Variants in ZNF649 observed in about 807,000 individuals in gnomAD.
ZNF649 encodes zinc finger protein 649.
Under a neutral mutation model 14.1 loss-of-function variants are expected in ZNF649, and 7 were observed. That is an observed-to-expected ratio of 0.49 (90% confidence interval 0.28 to 0.93). ZNF649 has a LOEUF of 0.93. Ranked by LOEUF, ZNF649 falls within the 40% of genes least tolerant of loss-of-function variation. The pLI, the probability that ZNF649 is intolerant of heterozygous loss-of-function variation, is 0.10. For synonymous variants in ZNF649, 227 were observed against 212.3 expected (o/e 1.07, Z -0.60); for missense variants, 544 against 608.1 (o/e 0.89, Z 1.11).
chr19:51,896,627 G>T, intron 3 of ZNF649, 60 bp from the exon 4 acceptor site: 1 of 1,573,996 alleles, frequency 6.4e-7, no homozygotes, highest in Non-Finnish European at 8.7e-7. Flanking sequence ...TGGCTCTGAT[G>T]ATAGGAGAAA....
rs139430904 is a variant in ZNF649 at position 51,891,294 on chromosome 19, T to G, written c.842A>C (p.Gln281Pro). Residue 281 changes from glutamine to proline, a missense_variant, in exon 5 of 5, where the codon CAA becomes CCA. Physicochemically the swap from Gln to Pro is moderately conservative, Grantham distance 76. Transcript: ENST00000354957. This position sits in a 1 kb window ranked among gnomAD's most constrained non-coding sequence, Gnocchi z 4.2. ...FPRKSELTEH[Q>P]RIHTGIKPHQ... ...GGGCTTAATTCCCGTGTGAATCCTT[T>G]GATGTTCAGTAAGCTCAGATTTCCT... The G allele has an allele frequency of 5.0e-6, 8 of 1,614,148 alleles. No individual in the cohort carries two copies. The African/African-American group carries it at 1.1e-4, about 22-fold the overall frequency.
intron 1 of ZNF649, among the ~76,000 whole-genome samples, chr19:51,903,046 A>G (rs1489155750): frequency 1.3e-5 from 2 of 152,136 alleles, no homozygotes; most frequent in Non-Finnish European, 1.5e-5. Flanking sequence ...GGAATAAAGG[A>G]TATTACGAAG....
intron 1 of ZNF649, among the ~76,000 whole-genome samples, chr19:51,901,129 G>T (rs2085092192): frequency 6.6e-6 from 1 of 152,192 alleles, no homozygotes; most frequent in Non-Finnish European, 1.5e-5. Flanking sequence ...ATAGACCAAG[G>T]AAGTTTATTA....
chr19:51,896,404 T>C lies in ZNF649; in HGVS notation c.238+68A>G, dbSNP rs2085062562. The C allele has an allele frequency of 5.1e-6, 7 of 1,384,368 alleles. No individual in the cohort carries two copies. The African/African-American group carries it at 9.9e-5, about 20-fold the overall frequency. 85.8% of individuals were successfully genotyped at this position (1,384,368 alleles called of 1,614,324 possible). ...TCCCTAGACACTTTCACAACTGTCA[T>C]GCCTTCTCTAAATGACCAGAATGTG... On this transcript the variant is annotated intron_variant, in intron 4 of 4. Coordinates refer to ENST00000354957, the MANE Select transcript of ZNF649 (RefSeq NM_023074.4).
intron 2 of ZNF649, among the ~76,000 whole-genome samples, chr19:51,897,787 A>G (rs1024334067): frequency 4.6e-5 from 7 of 152,180 alleles, no homozygotes; most frequent in African/African-American, 1.7e-4. Context: ...CTTTGTTTTC[A>G]CACTATGTGT....
rs375996460 is a variant in ZNF649, at chr19:51,901,534, C to T, written c.-187-1240G>A. Among the ~76,000 whole-genome samples the T allele has an allele frequency of 5.9e-5, 9 of 152,194 alleles. No homozygotes were observed. In the East Asian group the frequency reaches 1.7e-3, roughly 29 times the overall value. ...GTGGCTCATGCATGTAATCCCAGCACTTTGGGAGGCTGAGGTGGGAGGATC... is the reference window on the plus strand; with the variant it reads ...GTGGCTCATGCATGTAATCCCAGCATTTTGGGAGGCTGAGGTGGGAGGATC... On this transcript the variant is annotated intron_variant, in intron 1 of 4. Coordinates refer to ENST00000354957, the MANE Select transcript of ZNF649 (RefSeq NM_023074.4).
At chr19:51,895,264 G>A (rs974366076) in intron 4 of ZNF649, among the ~76,000 whole-genome samples, 2 of 152,136 alleles carry the variant, frequency 1.3e-5, no homozygotes, top group Non-Finnish European at 2.9e-5. Flanking sequence ...AATTCAAGGT[G>A]AAAAATACAT....
chr19:51,896,828 G>C (rs201165910), intron 3 of ZNF649, 24 bp downstream of exon 3: 1 of 1,614,106 alleles, frequency 6.2e-7, no homozygotes, highest in Non-Finnish European at 8.5e-7. Flanking sequence ...TACCCTCTGA[G>C]TGACACAGGG....
chr19:51,896,690 T>C lies in ZNF649; in HGVS notation c.143-123A>G. The C allele has an allele frequency of 1.9e-6, 3 of 1,567,468 alleles. No individual in the cohort carries two copies. The Middle Eastern group carries it at 5.1e-4, about 264-fold the overall frequency. On this transcript the variant is annotated intron_variant, in intron 3 of 4. Coordinates refer to ENST00000354957, the MANE Select transcript of ZNF649 (RefSeq NM_023074.4). ...CATGTTAGCAAATTAAAGGCTTTTT[T>C]TCTAAGACGAAGGAAGATTATGCCT...
rs996986991 is a variant in ZNF649 at position 51,897,191 on chromosome 19, T to C, written c.16-213A>G. ...AGTGGAATCTGCTTATGTTACTCTG[T>C]ATAAGCGAGTTTCACATCCTGAGAA... On this transcript the variant is annotated intron_variant, in intron 2 of 4. Transcript: ENST00000354957. 59 of 556,270 alleles carry C rather than the reference T, an allele frequency of 1.1e-4. 1 individual carries two copies. Among genetic ancestry groups the C allele is most frequent in the Non-Finnish European group, 6.2e-6 (2 of 321,118 alleles). 34.5% of individuals were successfully genotyped at this position (556,270 alleles called of 1,614,324 possible).
intron 2 of ZNF649, among the ~76,000 whole-genome samples, chr19:51,897,895 G>A (rs1174397876): frequency 6.6e-6 from 1 of 152,096 alleles, no homozygotes; most frequent in African/African-American, 2.4e-5. Context: ...GCAAAGGTGG[G>A]CGGATCACCC....
intron 1 of ZNF649, among the ~76,000 whole-genome samples, chr19:51,903,152 G>C (rs2085104486): frequency 6.6e-6 from 1 of 152,090 alleles, no homozygotes; most frequent in Non-Finnish European, 1.5e-5. Context: ...GCTTATTAGA[G>C]ACTCAGTTCA....
chr19:51,900,661 G>A (rs529635476), intron 1 of ZNF649, among the ~76,000 whole-genome samples: 1 of 152,174 alleles, frequency 6.6e-6, no homozygotes, highest in Non-Finnish European at 1.5e-5. Context: ...AAAACTTATT[G>A]TCCCATATTT....
In ZNF649 at chr19:51,896,997, G is replaced by A; in HGVS notation, c.16-19C>T. On this transcript the variant is annotated intron_variant, in intron 2 of 4. Transcript: ENST00000354957. ...GTGATTCCTGTAATAACACAGTCCT[G>A]CTTAATATGTTTCTCTTTTATTGAC... The A allele has an allele frequency of 6.2e-7, 1 of 1,613,682 alleles. No homozygotes were observed. The highest frequency in any genetic ancestry group is 8.5e-7 in the Non-Finnish European group (1 of 1,179,734).
At position 51,891,958 on chromosome 19, in the gene ZNF649, ATGCCTTGGGGT is replaced by A; in HGVS notation, c.239-72_239-62del. The A allele has an allele frequency of 6.7e-7, 1 of 1,493,534 alleles. No individual in the cohort carries two copies. Among genetic ancestry groups the A allele is most frequent in the Non-Finnish European group, 8.9e-7 (1 of 1,127,498 alleles). 92.5% of individuals were successfully genotyped at this position (1,493,534 alleles called of 1,614,324 possible). On this transcript the variant is annotated intron_variant, in intron 4 of 4. Coordinates refer to ENST00000354957, the MANE Select transcript of ZNF649 (RefSeq NM_023074.4). This position sits in a 1 kb window ranked among gnomAD's most constrained non-coding sequence, Gnocchi z 4.2. ...CACACGGAATAAAACTGCTTCAAAG[ATGCCTTGGGGT>A]TGGCTGGCTTTTTACTGGAACCCCT...
At chr19:51,895,732 G>A (rs562015067) in intron 4 of ZNF649, among the ~76,000 whole-genome samples, 1 of 151,378 alleles carries the variant, frequency 6.6e-6, no homozygotes, top group East Asian at 1.9e-4. Context: ...TTATATAAAT[G>A]TATATATACA....
intron 1 of ZNF649, among the ~76,000 whole-genome samples, chr19:51,903,589 C>T (rs2085106687): frequency 6.6e-6 from 1 of 152,180 alleles, no homozygotes; most frequent in African/African-American, 2.4e-5. Flanking sequence ...AAGGCCGAGG[C>T]GGGCAGATCA....
At position 51,902,892 on chromosome 19, in the gene ZNF649, G is replaced by A. The variant is rs371204915; in HGVS notation, c.-188+2022C>T. Among the ~76,000 whole-genome samples the A allele has an allele frequency of 4.6e-5, 7 of 152,152 alleles. No homozygotes were observed. The East Asian group carries it at 1.2e-3, about 25-fold the overall frequency. ...TACTAAAAACAGAATGCTATAAGTA[G>A]AATGATGTCTTTTGTTTCCCAAGGC... On this transcript the variant is annotated intron_variant, in intron 1 of 4. Coordinates refer to ENST00000354957, the MANE Select transcript of ZNF649 (RefSeq NM_023074.4).
intron 1 of ZNF649, among the ~76,000 whole-genome samples, chr19:51,903,683 G>C (rs1185353802): frequency 6.6e-6 from 1 of 152,160 alleles, no homozygotes; most frequent in Non-Finnish European, 1.5e-5. Context: ...GCCGGGCGTG[G>C]TGGCGGGCGC....
Sources: gnomAD v4.1 joint callset for allele counts (sites outside exome capture counted in the v4.1 genomes callset) on GRCh38, gnomAD v4.1.1 for gene constraint, Gnocchi (gnomAD v3.1) non-coding constraint, MANE v1.5 for transcripts, NCBI Gene and HGNC (gene_info 2026-07-23, HGNC 2026-07-21) for gene names.